Variants in GULP1 observed in about 807,000 individuals in gnomAD.
GULP1 encodes GULP PTB domain containing engulfment adaptor 1, also known as PTB domain-containing engulfment adapter protein 1.
Under a neutral mutation model 40.9 loss-of-function variants are expected in GULP1, and 19 were observed. That is an observed-to-expected ratio of 0.46 (90% CI 0.32 to 0.68). The LOEUF (loss-of-function observed/expected upper bound fraction) is 0.68. GULP1 is among the 30% of genes least tolerant of loss of function. The pLI is 0.03. For missense variants in GULP1, 312 were observed against 362.2 expected (o/e 0.86, Z 1.12); for synonymous variants, 119 against 117.6 (o/e 1.01, Z -0.08).
intron 1 of GULP1, among the ~76,000 whole-genome samples, chr2:188,370,605 A>C (rs372957154): frequency 1.3e-5 from 2 of 152,212 alleles, no homozygotes; most frequent in East Asian, 1.9e-4. Flanking sequence ...ACTGGGAATT[A>C]AACTTACTTG....
intron 3 of GULP1, among the ~76,000 whole-genome samples, chr2:188,481,811 T>C (rs896686969): frequency 1.1e-4 from 17 of 151,972 alleles, no homozygotes; most frequent in African/African-American, 4.1e-4. Context: ...ATCTTAGTTT[T>C]CCTAAAGGTG....
intron 8 of GULP1, 46 bp downstream of exon 8, chr2:188,569,401 C>A (rs1698537969): frequency 2.1e-6 from 2 of 974,222 alleles, no homozygotes; most frequent in Non-Finnish European, 3.3e-6. Flanking sequence ...GATGTAAGTA[C>A]AGGGAAACTT....
At chr2:188,506,901 G>T (rs146132837) in intron 4 of GULP1, among the ~76,000 whole-genome samples, 1 of 152,050 alleles carries the variant, frequency 6.6e-6, no homozygotes, top group Non-Finnish European at 1.5e-5. Flanking sequence ...GTCAATGTGG[G>T]GAAGAACCAA....
chr2:188,360,556 T>G (rs534278781), intron 1 of GULP1, among the ~76,000 whole-genome samples: 38 of 151,988 alleles, frequency 2.5e-4, no homozygotes, highest in Non-Finnish European at 4.1e-4. Context: ...TCTGATTTCT[T>G]AAGAGGAAGA....
intron 2 of GULP1, among the ~76,000 whole-genome samples, chr2:188,417,482 C>T (rs913981371): frequency 2.0e-5 from 3 of 151,960 alleles, no homozygotes; most frequent in Admixed American, 6.6e-5. Context: ...ATAAGTTATT[C>T]GAATTAGATA....
At position 188,594,064 on chromosome 2, in the gene GULP1, C is replaced by T; in HGVS notation, c.*53C>T. 3 of 883,460 alleles carry T rather than the reference C, an allele frequency of 3.4e-6. No homozygotes were observed. The highest frequency in any genetic ancestry group is 5.7e-6 in the Non-Finnish European group (3 of 530,350). 54.7% of individuals were successfully genotyped at this position (883,460 alleles called of 1,614,324 possible). ...GTTAAATGTGTTTGTATACACATGT[C>T]ATTTATTATTATTACTTTAAGATAG... On this transcript the variant is annotated 3_prime_UTR_variant, in exon 12 of 12. Transcript: ENST00000409830.
chr2:188,467,506 A>G (rs2060223991), intron 2 of GULP1, among the ~76,000 whole-genome samples: 1 of 152,000 alleles, frequency 6.6e-6, no homozygotes, highest in South Asian at 2.1e-4. Flanking sequence ...GTATTTATTT[A>G]GTATATTTAT....
intron 1 of GULP1, among the ~76,000 whole-genome samples, chr2:188,305,554 A>G (rs2036914519): frequency 6.6e-6 from 1 of 152,212 alleles, no homozygotes; most frequent in Non-Finnish European, 1.5e-5. Context: ...AAGGAAGGAC[A>G]GGAGGTCAGA....
intron 7 of GULP1, chr2:188,541,559 T>C (rs1215464937): frequency 1.7e-6 from 1 of 588,862 alleles, no homozygotes; most frequent in African/African-American, 1.9e-5. Context: ...TTTCTTTTAT[T>C]AGAATGCCAT....
intron 2 of GULP1, among the ~76,000 whole-genome samples, chr2:188,448,661 T>C (rs898257993): frequency 6.6e-6 from 1 of 152,158 alleles, no homozygotes; most frequent in Non-Finnish European, 1.5e-5. Context: ...ATAGAACATA[T>C]GTGATATGGT....
At chr2:188,332,527 G>T (rs2041741336) in intron 1 of GULP1, among the ~76,000 whole-genome samples, 1 of 152,100 alleles carries the variant, frequency 6.6e-6, no homozygotes, top group Admixed American at 6.5e-5. Flanking sequence ...TCCAGGATCT[G>T]TGCCAGTCAT....
At chr2:188,529,070 G>C in intron 5 of GULP1, 27 bp from the exon 6 acceptor site, 1 of 973,520 alleles carries the variant, frequency 1.0e-6, no homozygotes, top group Non-Finnish European at 1.6e-6. Flanking sequence ...TAGAAGTGTA[G>C]CTTTGTGAAT....
At chr2:188,588,001 G>T in intron 11 of GULP1, 52 bp downstream of exon 11, 1 of 923,812 alleles carries the variant, frequency 1.1e-6, no homozygotes, top group East Asian at 2.4e-5. Flanking sequence ...TTTTGATATG[G>T]GACAAAGAGA....
At chr2:188,328,112 G>C (rs149788016) in intron 1 of GULP1, among the ~76,000 whole-genome samples, 2 of 152,068 alleles carry the variant, frequency 1.3e-5, no homozygotes, top group African/African-American at 4.8e-5. Context: ...TCTAGAATTG[G>C]AGAGCAATCA....
At chr2:188,523,481 T>C (rs1685361415) in intron 5 of GULP1, among the ~76,000 whole-genome samples, 1 of 152,232 alleles carries the variant, frequency 6.6e-6, no homozygotes, top group South Asian at 2.1e-4. Flanking sequence ...TTGTTGTCAC[T>C]GAGCTTTTGA....
intron 2 of GULP1, among the ~76,000 whole-genome samples, chr2:188,443,427 C>T (rs552399918): frequency 2.1e-4 from 32 of 152,226 alleles, no homozygotes; most frequent in African/African-American, 7.5e-4. Flanking sequence ...TTAAATAGGA[C>T]TCCCTATGGT....
intron 4 of GULP1, among the ~76,000 whole-genome samples, chr2:188,502,457 G>C (rs936837295): frequency 1.7e-4 from 26 of 151,890 alleles, no homozygotes; most frequent in African/African-American, 6.3e-4. Context: ...CTAAAGTAAT[G>C]TCTATAATTT....
intron 4 of GULP1, among the ~76,000 whole-genome samples, chr2:188,499,563 G>A (rs1015935296): frequency 6.6e-6 from 1 of 151,702 alleles, no homozygotes; most frequent in African/African-American, 2.4e-5. Context: ...TTCCAGGGAA[G>A]TAGTCAGAAC....
chr2:188,523,412 A>G (rs1213016281), intron 5 of GULP1, among the ~76,000 whole-genome samples: 1 of 152,170 alleles, frequency 6.6e-6, no homozygotes, highest in Non-Finnish European at 1.5e-5. Flanking sequence ...TTCCTGAGAA[A>G]ATCTTACATA....
Sources: allele counts gnomAD v4.1 joint callset (sites outside exome capture counted in the v4.1 genomes callset), GRCh38; gene constraint gnomAD v4.1.1; transcripts MANE v1.5; gene names NCBI Gene and HGNC (gene_info 2026-07-23, HGNC 2026-07-21).